The following FYCO1 variants were observed in gnomAD, a reference collection of about 807,000 sequenced individuals.
FYCO1 encodes FYVE and coiled-coil domain-containing protein 1.
In FYCO1, 122 loss-of-function variants were observed where a neutral mutation model predicts 165.1. The ratio of observed to expected loss-of-function variants is 0.74; its 90% confidence interval spans 0.64 to 0.86. The LOEUF is 0.86. Ranked by LOEUF, FYCO1 falls within the 40% of genes least tolerant of loss-of-function variation. FYCO1 has a pLI of 0.00. For synonymous variants in FYCO1, 648 were observed against 742.5 expected (o/e 0.87, Z 2.07); for missense variants, 1,702 against 1,810.3 (o/e 0.94, Z 1.09).
chr3:45,948,894 C>T (rs1704813506), intron 14 of FYCO1, among the ~76,000 whole-genome samples: 1 of 152,182 alleles, frequency 6.6e-6, no homozygotes, highest in South Asian at 2.1e-4. Flanking sequence ...ATAACAGCAC[C>T]ACCTCTATGG....
At position 45,921,446 on chromosome 3, in the gene FYCO1, G is replaced by C; in HGVS notation, c.*319C>G. On this transcript the variant is annotated 3_prime_UTR_variant, in exon 18 of 18. Transcript: ENST00000296137. The stretch of plus-strand genomic sequence containing the variant: ...CCGTGAAACTCTCCACAAGAGGCCT[G>C]TAGCCAACTGTGCTCCCAGGAGAGG... 1 of 385,226 alleles carries C rather than the reference G, an allele frequency of 2.6e-6. No homozygotes were observed. The highest frequency in any genetic ancestry group is 5.0e-6 in the Non-Finnish European group (1 of 200,470). The allele number at this position is 385,226 out of a possible 1,614,324, so 23.9% of individuals were successfully genotyped here. A position where few individuals can be genotyped will look rare whatever the true frequency, so the allele number is the denominator to read the frequency against.
intron 15 of FYCO1, among the ~76,000 whole-genome samples, chr3:45,935,516 T>C (rs756086694): frequency 6.6e-6 from 1 of 152,236 alleles, no homozygotes. Flanking sequence ...GGCATTGTCC[T>C]GTCTCAGGGC....
chr3:45,961,162 T>A (rs1705678202), intron 11 of FYCO1, among the ~76,000 whole-genome samples: 1 of 152,198 alleles, frequency 6.6e-6, no homozygotes, highest in African/African-American at 2.4e-5. Context: ...AGATCCTGAT[T>A]AGAACGACCT....
At chr3:45,928,896 C>A (rs1177425696) in intron 16 of FYCO1, among the ~76,000 whole-genome samples, 1 of 152,212 alleles carries the variant, frequency 6.6e-6, no homozygotes, top group Non-Finnish European at 1.5e-5. Context: ...CTTTCTATCC[C>A]CCGTGGGCCC....
chr3:45,967,894 C>T lies in FYCO1; in HGVS notation c.1440G>A (p.Thr480=), dbSNP rs1706182502. ...CTGCTAGCTCCTCCTCCCAGGAGCTCGTGTGGGCCAGCAACTCCTGCAGCC... is the reference window on the plus strand; with the variant it reads ...CTGCTAGCTCCTCCTCCCAGGAGCTTGTGTGGGCCAGCAACTCCTGCAGCC... ...WRRLQELLAH[T]SSWEEELAEL... is the part of the protein sequence containing the mutation. Residue 480 remains threonine (T), a synonymous_variant, in exon 8 of 18, where the codon ACG becomes ACA. Coordinates refer to ENST00000296137, the MANE Select transcript of FYCO1 (RefSeq NM_024513.4). 3.7e-6 allele frequency: 6 copies of T among 1,613,984 alleles called. No individual in the cohort carries two copies. The highest frequency in any genetic ancestry group is 1.1e-5 in the South Asian group (1 of 91,074).
chr3:45,968,790 G>C, intron 7 of FYCO1, 87 bp from the exon 8 acceptor site: 1 of 1,519,274 alleles, frequency 6.6e-7, no homozygotes, highest in Non-Finnish European at 9.1e-7. Context: ...TGAGAGCAGA[G>C]GTAAAAATAC....
Position 45,964,590 on chromosome 3 carries a change from A to G in FYCO1, c.3151-136T>C. 1 of 1,516,054 alleles carries G rather than the reference A, an allele frequency of 6.6e-7. No homozygotes were observed. Among genetic ancestry groups the G allele is most frequent in the Non-Finnish European group, 8.9e-7 (1 of 1,128,340 alleles). The allele number at this position is 1,516,054 out of a possible 1,614,324, so 93.9% of individuals were successfully genotyped here. On this transcript the variant is annotated intron_variant, in intron 9 of 17. Coordinates refer to ENST00000296137, the MANE Select transcript of FYCO1 (RefSeq NM_024513.4). The surrounding 1 kb of genome is among the most constrained non-coding windows in gnomAD (Gnocchi z 4.1). ...AGGGTTGTTTCCTATTAAGTTCAAG[A>G]GGCCATGAACCTCTGCTCTATATTT... is the stretch of plus-strand genomic sequence containing the variant.
At chr3:45,980,611 T>C (rs933067725) in intron 3 of FYCO1, among the ~76,000 whole-genome samples, 3 of 152,186 alleles carry the variant, frequency 2.0e-5, no homozygotes, top group African/African-American at 7.2e-5. Flanking sequence ...CCAGCTGAAA[T>C]GTCATGAGAG....
At chr3:45,959,009 C>T (rs912605849) in intron 12 of FYCO1, among the ~76,000 whole-genome samples, 2 of 152,204 alleles carry the variant, frequency 1.3e-5, no homozygotes, top group Non-Finnish European at 2.9e-5. Context: ...CCTTCTCTGG[C>T]CTTCATGCCC....
chr3:45,941,519 T>C lies in FYCO1; in HGVS notation c.3945-4976A>G, dbSNP rs188563433. Among the ~76,000 whole-genome samples the C allele has an allele frequency of 1.6e-4, 25 of 152,380 alleles. 1 individual carries two copies. The East Asian group carries it at 3.9e-3, about 23-fold the overall frequency. On this transcript the variant is annotated intron_variant, in intron 14 of 17. Transcript: ENST00000296137. ...ACAATTAACACTATAAATTGGCAGATAGTAAACGGCATTTTGTAAAGTGAT... is the reference window on the plus strand; with the variant it reads ...ACAATTAACACTATAAATTGGCAGACAGTAAACGGCATTTTGTAAAGTGAT...
At position 45,967,994 on chromosome 3, in the gene FYCO1, C is replaced by G. The variant is rs760218585; in HGVS notation, c.1340G>C (p.Arg447Pro). Residue 447 changes from arginine (R) to proline (P), a missense_variant, in exon 8 of 18, where the codon CGC becomes CCC. Arg to Pro is a moderately radical substitution (Grantham distance 103, BLOSUM62 -2). Transcript: ENST00000296137. ...LKEDARASLE[R>P]LVKEMAPLQE... is the part of the protein sequence containing the mutation. ...GAGTGGGGCCATCTCCTTCACCAGG[C>G]GCTCCAGGCTGGCCCGGGCATCCTC... 6.2e-7 allele frequency: 1 copy of G among 1,614,030 alleles called. No individual in the cohort carries two copies. The highest frequency in any genetic ancestry group is 8.5e-7 in the Non-Finnish European group (1 of 1,180,024).
At chr3:45,927,608 G>A (rs187179034) in intron 16 of FYCO1, among the ~76,000 whole-genome samples, 22 of 152,338 alleles carry the variant, frequency 1.4e-4, no homozygotes, top group African/African-American at 5.3e-4. Context: ...CCTGCTACAC[G>A]TAGGCTCTGT....
chr3:45,922,180 A>G (rs1400064894), intron 17 of FYCO1, among the ~76,000 whole-genome samples: 1 of 152,170 alleles, frequency 6.6e-6, no homozygotes, highest in Non-Finnish European at 1.5e-5. Context: ...CAATGGGAGG[A>G]GGCATATGGT....
chr3:45,956,065 G>A (rs1705297627), intron 13 of FYCO1, among the ~76,000 whole-genome samples: 1 of 152,226 alleles, frequency 6.6e-6, no homozygotes, highest in Non-Finnish European at 1.5e-5. Context: ...ACTGGGTGCT[G>A]TGGCTCATGC....
chr3:45,935,567 G>A lies in FYCO1; in HGVS notation c.4040+881C>T, dbSNP rs561184694. Among the ~76,000 whole-genome samples, 33 of 152,248 alleles carry A rather than the reference G, an allele frequency of 2.2e-4. No individual in the cohort carries two copies. In the East Asian group the frequency reaches 2.7e-3, roughly 12 times the overall value. ...TCCCTCTGCCTGAAATGCTATACCC[G>A]CAGATAGATGCCTGGCAACTCCTTC... On this transcript the variant is annotated intron_variant, in intron 15 of 17. Transcript: ENST00000296137.
In FYCO1 at chr3:45,981,574, A is replaced by C. The variant is rs2125870541; in HGVS notation, c.158T>G (p.Leu53Arg). 3.2e-6 allele frequency: 5 copies of C among 1,586,942 alleles called. No homozygotes were observed. Among genetic ancestry groups the C allele is most frequent in the African/African-American group, 1.3e-5 (1 of 74,524 alleles). Residue 53 changes from leucine to arginine, a missense_variant, in exon 3 of 18, where the codon CTG becomes CGG. Leu to Arg is a moderately radical substitution (Grantham distance 102). Coordinates refer to ENST00000296137, the MANE Select transcript of FYCO1 (RefSeq NM_024513.4). Reference protein sequence around the residue: ...HKFSYKLEYLLQFDQKEKATL... With the variant: ...HKFSYKLEYLRQFDQKEKATL... ...CACATTACAGGCATCACTTACTTGC[A>C]GGAGATACTCAAGTTTATAAGAAAA...
chr3:45,924,525 C>A (rs1354036246), intron 16 of FYCO1, among the ~76,000 whole-genome samples: 1 of 152,212 alleles, frequency 6.6e-6, no homozygotes, highest in African/African-American at 2.4e-5. Context: ...CCAGGGCAGG[C>A]TCTTCAACCT....
At chr3:45,954,772 G>A (rs1705218921) in intron 14 of FYCO1, among the ~76,000 whole-genome samples, 1 of 152,160 alleles carries the variant, frequency 6.6e-6, no homozygotes, top group Non-Finnish European at 1.5e-5. Flanking sequence ...TGAGAGACAT[G>A]GAGACACACC....
At chr3:45,965,802 C>T (rs1165210884) in intron 8 of FYCO1, among the ~76,000 whole-genome samples, 1 of 152,200 alleles carries the variant, frequency 6.6e-6, no homozygotes, top group African/African-American at 2.4e-5. Context: ...CACTCACATG[C>T]CCGGCGGGGC....
Sources: gnomAD v4.1 joint callset for allele counts (sites outside exome capture counted in the v4.1 genomes callset) on GRCh38, gnomAD v4.1.1 for gene constraint, Gnocchi (gnomAD v3.1) non-coding constraint, MANE v1.5 for transcripts, NCBI Gene and HGNC (gene_info 2026-07-23, HGNC 2026-07-21) for gene names.